The following ADARB2 variants were observed in gnomAD, a reference collection of about 807,000 sequenced individuals.
ADARB2 encodes the protein inactive double-stranded RNA-specific editase B2.
ADARB2 carries 25 observed loss-of-function variants against 62.2 expected under a neutral mutation model. That is an observed-to-expected ratio of 0.40 (90% CI 0.29 to 0.56). ADARB2 has a LOEUF of 0.56. Among genes scored for constraint, ADARB2 ranks in the 20% least tolerant of loss-of-function variants. The probability of loss-of-function intolerance (pLI) is 0.43; values close to 1 mark genes in which losing one functional copy is unlikely to be tolerated. For missense variants in ADARB2, 1,071 were observed against 1,077.4 expected (o/e 0.99, Z 0.08); for synonymous variants, 572 against 500.8 (o/e 1.14, Z -1.90).
chr10:1,332,481 GTT>G lies in ADARB2; in HGVS notation c.1077+30545_1077+30546del, dbSNP rs57168465. On this transcript the variant is annotated intron_variant, in intron 3 of 9. Transcript: ENST00000381312. Reference sequence around the variant, plus strand: ...AGACTGGCTAACTAGCATCAGTTTTGTTTTTTTTTTTTTTGCCATCGAACAGG... The same window carrying G: ...AGACTGGCTAACTAGCATCAGTTTTGTTTTTTTTTTTTGCCATCGAACAGG... Among the ~76,000 whole-genome samples, 792 of 131,468 alleles carry G rather than the reference GTT, an allele frequency of 6.0e-3. 8 individuals carry two copies. Among genetic ancestry groups the G allele is most frequent in the Middle Eastern group, 0.014 (3 of 220 alleles). 86.2% of individuals were successfully genotyped at this position (131,468 alleles called of 152,430 possible). A position where few individuals can be genotyped will look rare whatever the true frequency, so the allele number is the denominator to read the frequency against.
At chr10:1,450,932 A>G (rs1311710739) in intron 1 of ADARB2, among the ~76,000 whole-genome samples, 2 of 152,228 alleles carry the variant, frequency 1.3e-5, no homozygotes, top group African/African-American at 4.8e-5. Flanking sequence ...TGGGCACAGC[A>G]CACAGTCAGA....
chr10:1,468,734 C>T (rs996767393), intron 1 of ADARB2, among the ~76,000 whole-genome samples: 1 of 152,198 alleles, frequency 6.6e-6, no homozygotes, highest in Admixed American at 6.5e-5. Flanking sequence ...CTCAGACCCC[C>T]GGCTACCTTT....
intron 1 of ADARB2, among the ~76,000 whole-genome samples, chr10:1,583,230 AAT>A (rs1833130069): frequency 6.6e-6 from 1 of 152,218 alleles, no homozygotes; most frequent in Non-Finnish European, 1.5e-5. Context: ...AAAAGTAAAA[AAT>A]GCCACATGAT....
At position 1,339,530 on chromosome 10, in the gene ADARB2, TA is replaced by T. The variant is rs563981055; in HGVS notation, c.1077+23497del. Among the ~76,000 whole-genome samples, 5 of 152,328 alleles carry T rather than the reference TA, an allele frequency of 3.3e-5. No individual in the cohort carries two copies. In the South Asian group the frequency reaches 1.0e-3, roughly 32 times the overall value. ...CGTTTGCTCTGATTACAGAAGGGATTAAAAACAGATAAACAAAATCAAACAA... is the reference window on the plus strand; with the variant it reads ...CGTTTGCTCTGATTACAGAAGGGATTAAAACAGATAAACAAAATCAAACAA... On this transcript the variant is annotated intron_variant, in intron 3 of 9. Transcript: ENST00000381312.
At chr10:1,196,222 T>TTG (rs1836909830) in intron 8 of ADARB2, among the ~76,000 whole-genome samples, 1 of 151,166 alleles carries the variant, frequency 6.6e-6, no homozygotes, top group Non-Finnish European at 1.5e-5. Context: ...TTTTTTTTTT[T>TTG]TTTGACAAAG....
chr10:1,588,661 G>A (rs72764993), intron 1 of ADARB2, among the ~76,000 whole-genome samples: 39,441 of 152,100 alleles, frequency 0.26, 5,632 homozygotes, highest in Non-Finnish European at 0.33. Context: ...GGAGAAAGTG[G>A]GTTCGACAGC....
intron 1 of ADARB2, among the ~76,000 whole-genome samples, chr10:1,429,182 A>G (rs1830752169): frequency 6.6e-6 from 1 of 152,232 alleles, no homozygotes; most frequent in Admixed American, 6.5e-5. Context: ...GCCTCTTACA[A>G]TGGCATGTGC....
chr10:1,735,176 T>C (rs1414765626), intron 1 of ADARB2, among the ~76,000 whole-genome samples: 1 of 152,218 alleles, frequency 6.6e-6, no homozygotes, highest in African/African-American at 2.4e-5. Context: ...CTGAATGCCC[T>C]TTCCCGCTTC....
intron 1 of ADARB2, among the ~76,000 whole-genome samples, chr10:1,503,430 C>T (rs908448715): frequency 2.6e-5 from 4 of 151,840 alleles, no homozygotes; most frequent in African/African-American, 9.7e-5. Flanking sequence ...CAGAGACCTC[C>T]TTGTGCCCCC....
chr10:1,363,054 T>G lies in ADARB2; in HGVS notation c.1051A>C (p.Arg351=). ...TGCGGCATTGGCGTCCTCCTGGCCC[T>G]GCCGGGCGCGTGGCCGGGCATCTGG... is the stretch of plus-strand genomic sequence containing the variant. ...DIQMPGHAPG[R]ARRTPMPQEF... is the part of the protein sequence containing the mutation. Residue 351 remains arginine (R), a synonymous_variant, in exon 3 of 10, where the codon AGG becomes CGG. Coordinates refer to ENST00000381312, the MANE Select transcript of ADARB2 (RefSeq NM_018702.4). The G allele has an allele frequency of 7.0e-7, 1 of 1,438,472 alleles. No homozygotes were observed. The highest frequency in any genetic ancestry group is 9.1e-7 in the Non-Finnish European group (1 of 1,097,078). 89.1% of individuals were successfully genotyped at this position (1,438,472 alleles called of 1,614,324 possible). A position where few individuals can be genotyped will look rare whatever the true frequency, so the allele number is the denominator to read the frequency against.
chr10:1,577,271 CA>C (rs1267104781), intron 1 of ADARB2, among the ~76,000 whole-genome samples: 2 of 145,628 alleles, frequency 1.4e-5, no homozygotes, highest in African/African-American at 2.5e-5. Context: ...GTAATACCCT[CA>C]TGCACACAGA....
At chr10:1,701,793 G>T (rs1204536711) in intron 1 of ADARB2, among the ~76,000 whole-genome samples, 3 of 142,248 alleles carry the variant, frequency 2.1e-5, no homozygotes, top group Non-Finnish European at 4.7e-5. Context: ...TCCACCGGGA[G>T]ACCGGGCACT....
intron 1 of ADARB2, among the ~76,000 whole-genome samples, chr10:1,583,733 T>C (rs1198175187): frequency 6.6e-6 from 1 of 152,188 alleles, no homozygotes; most frequent in Non-Finnish European, 1.5e-5. Flanking sequence ...ACCAAACTCA[T>C]TCTAAAGTTT....
intron 1 of ADARB2, among the ~76,000 whole-genome samples, chr10:1,642,894 C>T (rs748567067): frequency 6.6e-6 from 1 of 152,198 alleles, no homozygotes; most frequent in Admixed American, 6.5e-5. Flanking sequence ...GAGAGGCAGA[C>T]GGCCTGCACA....
chr10:1,191,142 C>T (rs988322619), intron 8 of ADARB2, among the ~76,000 whole-genome samples: 12 of 152,122 alleles, frequency 7.9e-5, no homozygotes, highest in South Asian at 6.2e-4. Context: ...CCCCACACGG[C>T]GTAGAACAGG....
At chr10:1,206,008 T>TG (rs1332184428) in intron 7 of ADARB2, among the ~76,000 whole-genome samples, 3 of 148,588 alleles carry the variant, frequency 2.0e-5, no homozygotes, top group African/African-American at 5.0e-5. Flanking sequence ...TGGGGTCAGG[T>TG]GGTTCACGGG....
chr10:1,306,596 C>T lies in ADARB2; in HGVS notation c.1078-35527G>A, dbSNP rs370801244. ...TATGGAACCAAAAAAGAGCCCGCAT[C>T]GCTAAGTCAATCCTAAGCCAAAAGA... On this transcript the variant is annotated intron_variant, in intron 3 of 9. Coordinates refer to ENST00000381312, the MANE Select transcript of ADARB2 (RefSeq NM_018702.4). 1.5e-3 allele frequency among the ~76,000 whole-genome samples: 217 copies of T among 148,792 alleles called. 3 individuals are homozygous for T. In the South Asian group the frequency reaches 0.02, roughly 14 times the overall value.
At chr10:1,716,794 C>G (rs1406662111) in intron 1 of ADARB2, among the ~76,000 whole-genome samples, 1 of 152,182 alleles carries the variant, frequency 6.6e-6, no homozygotes, top group African/African-American at 2.4e-5. Context: ...ATTCTGAGAT[C>G]TCTGAGTATA....
At chr10:1,716,105 C>T (rs984934906) in intron 1 of ADARB2, among the ~76,000 whole-genome samples, 1 of 152,164 alleles carries the variant, frequency 6.6e-6, no homozygotes, top group Admixed American at 6.5e-5. Flanking sequence ...CTGGGTGCAC[C>T]GTGCGCGTTC....
Sources: gnomAD v4.1 joint callset for allele counts (sites outside exome capture counted in the v4.1 genomes callset) on GRCh38, gnomAD v4.1.1 for gene constraint, MANE v1.5 for transcripts, NCBI Gene and HGNC (gene_info 2026-07-23, HGNC 2026-07-21) for gene names.